The following GTF3C5 variants were observed in gnomAD, a reference collection of about 807,000 sequenced individuals.
GTF3C5 encodes the protein general transcription factor IIIC subunit 5.
GTF3C5 carries 47 observed loss-of-function variants against 61.0 expected under a neutral mutation model. That is an observed-to-expected ratio of 0.77 (90% CI 0.61 to 0.98). GTF3C5 has a LOEUF of 0.98. GTF3C5 is among the 50% of genes least tolerant of loss of function. The probability of loss-of-function intolerance (pLI) is 0.00; values close to 1 mark genes in which losing one functional copy is unlikely to be tolerated. For synonymous variants in GTF3C5, 295 were observed against 275.4 expected (o/e 1.07, Z -0.71); for missense variants, 659 against 703.3 (o/e 0.94, Z 0.71).
chr9:133,055,943 G>A, intron 8 of GTF3C5, 69 bp from the exon 9 acceptor site: 1 of 1,603,862 alleles, frequency 6.2e-7, no homozygotes, highest in East Asian at 2.2e-5. Flanking sequence ...AGCCTACATG[G>A]AGTCTGCAAC....
At chr9:133,036,109 C>T (rs1296217941) in intron 1 of GTF3C5, among the ~76,000 whole-genome samples, 1 of 152,146 alleles carries the variant, frequency 6.6e-6, no homozygotes, top group Non-Finnish European at 1.5e-5. Flanking sequence ...CTTTTTCCTT[C>T]AGTTACCTGG....
intron 1 of GTF3C5, among the ~76,000 whole-genome samples, chr9:133,039,757 A>G (rs1049420907): frequency 1.3e-5 from 2 of 152,242 alleles, no homozygotes; most frequent in African/African-American, 4.8e-5. Context: ...CATCCATAAC[A>G]GTGCCTAGTT....
At chr9:133,050,359 C>T (rs1850332793) in intron 3 of GTF3C5, among the ~76,000 whole-genome samples, 1 of 152,250 alleles carries the variant, frequency 6.6e-6, no homozygotes, top group South Asian at 2.1e-4. Context: ...ATTGCGTTCT[C>T]TCATGCAGCT....
At chr9:133,048,370 G>A (rs1045679630) in intron 3 of GTF3C5, among the ~76,000 whole-genome samples, 4 of 152,122 alleles carry the variant, frequency 2.6e-5, no homozygotes, top group East Asian at 1.9e-4. Context: ...GGTGGTGGGC[G>A]CCTGTAGTCC....
intron 2 of GTF3C5, among the ~76,000 whole-genome samples, chr9:133,042,640 T>C (rs1850070712): frequency 6.6e-6 from 1 of 152,230 alleles, no homozygotes; most frequent in Admixed American, 6.5e-5. Flanking sequence ...GAACCTTCTC[T>C]TGTCTCGGCT....
At chr9:133,053,981 CTCTT>C (rs1459116848) in intron 6 of GTF3C5, 39 bp downstream of exon 6, 8 of 1,197,828 alleles carry the variant, frequency 6.7e-6, no homozygotes, top group East Asian at 4.7e-5. Flanking sequence ...GCCTTTCTCT[CTCTT>C]TATCTTTCAG....
At chr9:133,044,076 C>T (rs655775) in intron 3 of GTF3C5, 150 bp downstream of exon 3, 334 of 411,644 alleles carry the variant, frequency 8.1e-4, no homozygotes, top group East Asian at 1.2e-3. Context: ...ACCCAGGAGG[C>T]GGAGGTTGCA....
chr9:133,057,059 G>A (rs1356285456), intron 10 of GTF3C5, 151 bp downstream of exon 10: 2 of 748,360 alleles, frequency 2.7e-6, no homozygotes, highest in African/African-American at 3.7e-5. Flanking sequence ...TTGTGAGCCA[G>A]AGCCCAGCCC....
intron 1 of GTF3C5, among the ~76,000 whole-genome samples, chr9:133,036,233 G>T (rs112718688): frequency 6.6e-6 from 1 of 152,178 alleles, no homozygotes; most frequent in Non-Finnish European, 1.5e-5. Flanking sequence ...CCTGTTAGGA[G>T]ACCTGCTGGG....
chr9:133,050,728 G>A (rs1156346537), intron 3 of GTF3C5, 55 bp from the exon 4 acceptor site: 15 of 1,339,902 alleles, frequency 1.1e-5, no homozygotes, highest in East Asian at 4.9e-5. Flanking sequence ...CTGGCCCAGC[G>A]GGTGCCTGGG....
chr9:133,054,503 C>T lies in GTF3C5; in HGVS notation c.1069+15C>T, dbSNP rs372367635. ...CAAGAAGACATGTAAGCGTGCCAGG[C>T]GCCTTTTGTGGGTCATGAGTGATTT... On this transcript the variant is annotated intron_variant, in intron 7 of 10. Coordinates refer to ENST00000372097, the MANE Select transcript of GTF3C5 (RefSeq NM_012087.4). 551 of 1,611,368 alleles carry T rather than the reference C, an allele frequency of 3.4e-4. 9 individuals are homozygous for T. The South Asian group carries it at 3.9e-3, about 11-fold the overall frequency.
At position 133,052,105 on chromosome 9, in the gene GTF3C5, A is replaced by G; in HGVS notation, c.814A>G (p.Asn272Asp). Residue 272 changes from asparagine to aspartate, a missense_variant, in exon 5 of 11, where the codon AAC becomes GAC. Coordinates refer to ENST00000372097, the MANE Select transcript of GTF3C5 (RefSeq NM_012087.4). Reference protein sequence around the residue: ...PIWSRNAVKANISVHPDKLKV... With the variant: ...PIWSRNAVKADISVHPDKLKV... ...CTGGTCCCGAAATGCTGTCAAGGCC[A>G]ACATCAGCGTCCACCCAGACAAGCT... 1 of 1,609,872 alleles carries G rather than the reference A, an allele frequency of 6.2e-7. No homozygotes were observed. The highest frequency in any genetic ancestry group is 8.5e-7 in the Non-Finnish European group (1 of 1,177,750).
chr9:133,031,344 T>G (rs946637671), intron 1 of GTF3C5, among the ~76,000 whole-genome samples, 180 bp downstream of exon 1: 2 of 152,082 alleles, frequency 1.3e-5, no homozygotes, highest in Non-Finnish European at 2.9e-5. Context: ...TTTTTGTTTT[T>G]GTTTTTGTTT....
intron 4 of GTF3C5, 85 bp downstream of exon 4, chr9:133,051,063 C>A: frequency 1.8e-6 from 2 of 1,099,574 alleles, no homozygotes; most frequent in Non-Finnish European, 2.6e-6. Flanking sequence ...CTGTTCCTGG[C>A]TGTGGGGTTG....
intron 3 of GTF3C5, among the ~76,000 whole-genome samples, chr9:133,047,198 C>T (rs774185567): frequency 2.6e-5 from 4 of 152,110 alleles, no homozygotes; most frequent in Admixed American, 6.5e-5. Flanking sequence ...CACTCCCCAA[C>T]ATCACCCACA....
Position 133,031,067 on chromosome 9 carries a change from G to A in GTF3C5, c.56G>A (p.Arg19Lys), listed in dbSNP as rs901253166. ...GGGGCCGCCGTCCCCGTGGAGCTGA[G>A]GCGGGAGCGACGCATGGTGTGCGTG... ...GLGAAVPVEL[R>K]RERRMVCVEY... The change falls in exon 1 of 11, where the codon AGG becomes AAG. Residue 19 changes from arginine (R) to lysine (K), a missense_variant. Arg to Lys is a conservative substitution (Grantham distance 26, BLOSUM62 2). Coordinates refer to ENST00000372097, the MANE Select transcript of GTF3C5 (RefSeq NM_012087.4). 6.2e-7 allele frequency: 1 copy of A among 1,611,398 alleles called. No individual in the cohort carries two copies. The highest frequency in any genetic ancestry group is 8.5e-7 in the Non-Finnish European group (1 of 1,178,696).
intron 3 of GTF3C5, among the ~76,000 whole-genome samples, chr9:133,048,368 G>A (rs1485253118): frequency 6.6e-6 from 1 of 152,004 alleles, no homozygotes; most frequent in African/African-American, 2.4e-5. Flanking sequence ...GTGGTGGTGG[G>A]CGCCTGTAGT....
chr9:133,033,976 G>A (rs538083569), intron 1 of GTF3C5, among the ~76,000 whole-genome samples: 1 of 152,162 alleles, frequency 6.6e-6, no homozygotes, highest in Non-Finnish European at 1.5e-5. Context: ...TCTGGGTCTG[G>A]GTTTCTTCAT....
intron 8 of GTF3C5, chr9:133,055,479 TC>T: frequency 8.2e-7 from 1 of 1,214,356 alleles, no homozygotes; most frequent in Non-Finnish European, 1.0e-6. Flanking sequence ...TGAGGGGCGA[TC>T]ATGCCACAGC....
Sources: allele counts gnomAD v4.1 joint callset (sites outside exome capture counted in the v4.1 genomes callset), GRCh38; gene constraint gnomAD v4.1.1; transcripts MANE v1.5; gene names NCBI Gene and HGNC (gene_info 2026-07-23, HGNC 2026-07-21).